The following GABRB2 variants were observed in gnomAD, a reference collection of about 807,000 sequenced individuals.
GABRB2 encodes gamma-aminobutyric acid receptor subunit beta-2.
In GABRB2, 16 loss-of-function variants were observed where a neutral mutation model predicts 54.7. That is an observed-to-expected ratio of 0.29 (90% CI 0.20 to 0.44). The LOEUF is 0.44. GABRB2 is among the 20% of genes least tolerant of loss of function. The pLI is 1.00. For missense variants in GABRB2, 355 were observed against 644.0 expected (o/e 0.55, Z 4.86); for synonymous variants, 244 against 233.8 (o/e 1.04, Z -0.40).
chr5:161,517,119 T>A (rs1163040535), intron 3 of GABRB2, among the ~76,000 whole-genome samples: 1 of 152,120 alleles, frequency 6.6e-6, no homozygotes, highest in Non-Finnish European at 1.5e-5. Flanking sequence ...AGTGACACAA[T>A]GAAGGTTATT....
chr5:161,419,487 C>A (rs531259456), intron 4 of GABRB2, among the ~76,000 whole-genome samples: 1 of 152,140 alleles, frequency 6.6e-6, no homozygotes, highest in Non-Finnish European at 1.5e-5. Context: ...TAAACCGCTA[C>A]GCCAAAAGGA....
chr5:161,330,810 A>G (rs1307850083), intron 8 of GABRB2, 73 bp downstream of exon 8: 4 of 1,589,058 alleles, frequency 2.5e-6, no homozygotes, highest in South Asian at 1.1e-5. Flanking sequence ...TTGCTCAACA[A>G]GGTCATCAAC....
chr5:161,417,512 G>A (rs1199792294), intron 4 of GABRB2, among the ~76,000 whole-genome samples: 1 of 152,176 alleles, frequency 6.6e-6, no homozygotes, highest in East Asian at 1.9e-4. Context: ...TAACTTCCTA[G>A]TTGAACTTGG....
intron 3 of GABRB2, among the ~76,000 whole-genome samples, chr5:161,464,112 T>G (rs1178190450): frequency 6.6e-6 from 1 of 151,970 alleles, no homozygotes; most frequent in Non-Finnish European, 1.5e-5. Context: ...CTCAACAGAA[T>G]TTAAGGTTTT....
At chr5:161,495,907 C>A (rs1361922567) in intron 3 of GABRB2, among the ~76,000 whole-genome samples, 2 of 152,154 alleles carry the variant, frequency 1.3e-5, no homozygotes, top group South Asian at 4.1e-4. Context: ...TCTACTACTG[C>A]AAACCTTCAT....
chr5:161,390,159 T>C (rs1296461349), intron 5 of GABRB2, among the ~76,000 whole-genome samples: 1 of 152,078 alleles, frequency 6.6e-6, no homozygotes, highest in Non-Finnish European at 1.5e-5. Flanking sequence ...TGTTGACCTT[T>C]ACGTGGCCAA....
At chr5:161,318,200 G>T (rs1312552865) in intron 9 of GABRB2, among the ~76,000 whole-genome samples, 1 of 151,926 alleles carries the variant, frequency 6.6e-6, no homozygotes, top group African/African-American at 2.4e-5. Context: ...ATTGGTAAGA[G>T]AGAGAGAAAA....
intron 3 of GABRB2, among the ~76,000 whole-genome samples, chr5:161,527,642 C>T (rs1358880352): frequency 6.6e-6 from 1 of 151,216 alleles, no homozygotes; most frequent in East Asian, 1.9e-4. Flanking sequence ...AATGAATTGT[C>T]CAATAGAAAA....
Position 161,546,586 on chromosome 5 carries a change from C to T in GABRB2, c.58G>A (p.Ala20Thr), listed in dbSNP as rs75921414. The change falls in exon 1 of 10, where the codon GCC becomes ACC. Residue 20 changes from alanine (A) to threonine (T), a missense_variant. By Grantham distance (58) the Ala-to-Thr change is moderately conservative. Coordinates refer to ENST00000393959, the MANE Select transcript of GABRB2 (RefSeq NM_001371727.1). ...FGIWSFPLIIAAVCAQSVNDP... is the reference protein window; with the variant it reads ...FGIWSFPLIITAVCAQSVNDP... ...ACTTACCTCTGCGCACAGACAGCGG[C>T]GATTATTAAGGGGAAGGACCAAATC... 3.8e-6 allele frequency: 6 copies of T among 1,599,694 alleles called. No individual in the cohort carries two copies. The African/African-American group carries it at 8.0e-5, about 21-fold the overall frequency.
chr5:161,495,467 T>C (rs1404822181), intron 3 of GABRB2, among the ~76,000 whole-genome samples: 7 of 151,986 alleles, frequency 4.6e-5, no homozygotes, highest in African/African-American at 1.4e-4. Flanking sequence ...ATTTCACTGA[T>C]TTTAATGAAT....
chr5:161,468,586 T>C (rs2962416), intron 3 of GABRB2, among the ~76,000 whole-genome samples: 151,256 of 152,098 alleles, frequency 0.99, 75,218 homozygotes, highest in East Asian at 1. Flanking sequence ...CAGTACTTAC[T>C]ATATTTTTTC....
At chr5:161,546,802 TAAA>T (rs56867928), upstream of GABRB2, 2,133 of 1,205,050 alleles carry the variant, frequency 1.8e-3, no homozygotes, top group South Asian at 2.0e-3. Flanking sequence ...TTTCCTTGTT[TAAA>T]AAAAAAAAAA....
intron 5 of GABRB2, among the ~76,000 whole-genome samples, chr5:161,343,369 A>G (rs1017107529): frequency 6.6e-6 from 1 of 150,834 alleles, no homozygotes; most frequent in African/African-American, 2.4e-5. Context: ...GAGATGACCT[A>G]TTTTTTTTTG....
chr5:161,412,217 T>C (rs996640589), intron 4 of GABRB2, among the ~76,000 whole-genome samples: 2 of 152,312 alleles, frequency 1.3e-5, no homozygotes, highest in African/African-American at 4.8e-5. Context: ...TGTGGGAGTC[T>C]CACTCCTCAG....
intron 3 of GABRB2, among the ~76,000 whole-genome samples, chr5:161,509,617 T>G (rs1448470980): frequency 1.3e-5 from 2 of 152,004 alleles, no homozygotes; most frequent in Non-Finnish European, 2.9e-5. Flanking sequence ...TGCTTTTGAC[T>G]CTGTCTCCTA....
intron 3 of GABRB2, among the ~76,000 whole-genome samples, chr5:161,488,054 T>C (rs1399036921): frequency 2.6e-5 from 4 of 151,830 alleles, no homozygotes; most frequent in Middle Eastern, 6.8e-3. Flanking sequence ...ACAAGAATAA[T>C]TGATCAGGTG....
chr5:161,334,969 G>A, intron 6 of GABRB2, 65 bp from the exon 7 acceptor site: 1 of 1,511,162 alleles, frequency 6.6e-7, no homozygotes, highest in South Asian at 1.2e-5. Context: ...TTTCTTTAAA[G>A]GTGCATAAAC....
chr5:161,424,677 C>T lies in GABRB2; in HGVS notation c.459-13620G>A, dbSNP rs181899140. Among the ~76,000 whole-genome samples, 881 of 152,204 alleles carry T rather than the reference C, an allele frequency of 5.8e-3. 3 individuals carry two copies. The highest frequency in any genetic ancestry group is 0.024 in the Middle Eastern group (7 of 294). On this transcript the variant is annotated intron_variant, in intron 4 of 9. Transcript: ENST00000393959. ...ATACAAGGAAATTAATATTTTTAGG[C>T]CTGCTACCATGACATCCATTCTGCT...
At chr5:161,496,036 C>A (rs1246637872) in intron 3 of GABRB2, among the ~76,000 whole-genome samples, 7 of 152,074 alleles carry the variant, frequency 4.6e-5, no homozygotes, top group African/African-American at 1.4e-4. Flanking sequence ...GGTCTACTAG[C>A]AATGGTGACA....
Sources: allele counts gnomAD v4.1 joint callset (sites outside exome capture counted in the v4.1 genomes callset), GRCh38; gene constraint gnomAD v4.1.1; transcripts MANE v1.5; gene names NCBI Gene and HGNC (gene_info 2026-07-23, HGNC 2026-07-21).